OLA1: variants seen among roughly 807,000 people sequenced by gnomAD.
OLA1 encodes the protein Obg like ATPase 1.
Under a neutral mutation model 48.4 loss-of-function variants are expected in OLA1, and 14 were observed. The observed-to-expected ratio is 0.29, with a 90% CI of 0.19 to 0.45. The LOEUF is 0.45. Ranked by LOEUF, OLA1 falls within the 20% of genes least tolerant of loss-of-function variation. The pLI, the probability that OLA1 is intolerant of heterozygous loss-of-function variation, is 1.00. For missense variants in OLA1, 325 were observed against 467.1 expected (o/e 0.70, Z 2.80); for synonymous variants, 127 against 150.4 (o/e 0.84, Z 1.14).
intron 4 of OLA1, among the ~76,000 whole-genome samples, chr2:174,183,843 T>A (rs1687600052): frequency 6.6e-6 from 1 of 152,220 alleles, no homozygotes; most frequent in African/African-American, 2.4e-5. Context: ...ATATCTCTTC[T>A]CATTAATACT....
At chr2:174,179,433 C>T (rs192420423) in intron 4 of OLA1, among the ~76,000 whole-genome samples, 4 of 151,892 alleles carry the variant, frequency 2.6e-5, no homozygotes, top group Admixed American at 2.6e-4. Flanking sequence ...ATTTGTTAGA[C>T]TAAAGGCTTA....
intron 7 of OLA1, among the ~76,000 whole-genome samples, chr2:174,085,409 G>A (rs1288723930): frequency 3.3e-5 from 5 of 152,138 alleles, no homozygotes; most frequent in Non-Finnish European, 1.5e-5. Context: ...TGAATTGCAC[G>A]TGCAAGGGAT....
intron 4 of OLA1, among the ~76,000 whole-genome samples, chr2:174,202,474 C>T (rs760376870): frequency 1.6e-4 from 25 of 152,188 alleles, no homozygotes; most frequent in Non-Finnish European, 2.9e-4. Flanking sequence ...TGATCTCTTG[C>T]AGTTCTTGTG....
intron 2 of OLA1, among the ~76,000 whole-genome samples, chr2:174,230,331 A>G (rs907478332): frequency 6.6e-6 from 1 of 152,212 alleles, no homozygotes; most frequent in Non-Finnish European, 1.5e-5. Context: ...CTCTTTGAAG[A>G]CTGTTAAAGT....
At chr2:174,169,016 T>A (rs576398612) in intron 4 of OLA1, among the ~76,000 whole-genome samples, 1 of 152,052 alleles carries the variant, frequency 6.6e-6, no homozygotes, top group African/African-American at 2.4e-5. Flanking sequence ...TGGAGTGCAA[T>A]GGCGCAATCT....
At chr2:174,109,395 T>TA (rs899985220) in intron 7 of OLA1, among the ~76,000 whole-genome samples, 70 of 152,086 alleles carry the variant, frequency 4.6e-4, no homozygotes, top group African/African-American at 1.5e-3. Flanking sequence ...TAATAGATTT[T>TA]AAAAAAATAA....
At chr2:174,104,424 T>C (rs1685468250) in intron 7 of OLA1, among the ~76,000 whole-genome samples, 1 of 152,082 alleles carries the variant, frequency 6.6e-6, no homozygotes, top group Non-Finnish European at 1.5e-5. Context: ...AATATCAAAA[T>C]GATCATAAAA....
intron 4 of OLA1, among the ~76,000 whole-genome samples, chr2:174,174,438 T>C (rs1261450376): frequency 6.6e-6 from 1 of 151,960 alleles, no homozygotes; most frequent in Non-Finnish European, 1.5e-5. Context: ...ATCATTCCAA[T>C]AGATAAAAGA....
intron 4 of OLA1, among the ~76,000 whole-genome samples, chr2:174,143,674 TAGAG>T (rs1361477015): frequency 6.6e-6 from 1 of 152,098 alleles, no homozygotes; most frequent in Non-Finnish European, 1.5e-5. Context: ...AAGTGGATAA[TAGAG>T]AGAAACTTAG....
rs1684668056 is a variant in OLA1, at chr2:174,074,012, A to T, written c.*1414T>A. On this transcript the variant is annotated 3_prime_UTR_variant, in exon 11 of 11. Coordinates refer to ENST00000284719, the MANE Select transcript of OLA1 (RefSeq NM_013341.5). ...ATACTCACTGGAGAGCTTCTAAATT[A>T]TACTCACGACTCAACCTCATCCTCT... The T allele has an allele frequency of 6.6e-6, 1 of 152,232 alleles. No individual in the cohort carries two copies. The highest frequency in any genetic ancestry group is 1.5e-5 in the Non-Finnish European group (1 of 68,032). The allele number at this position is 152,232 out of a possible 1,614,324, so 9.4% of individuals were successfully genotyped here.
At position 174,193,952 on chromosome 2, in the gene OLA1, A is replaced by G. The variant is rs139411496; in HGVS notation, c.373+29081T>C. On this transcript the variant is annotated intron_variant, in intron 4 of 10. Transcript: ENST00000284719. Reference sequence around the variant, plus strand: ...TATCAGTTATCTAACCTCCTGCCCTAAACTACAGTTGTGGGCCCCGCATAT... The same window carrying G: ...TATCAGTTATCTAACCTCCTGCCCTGAACTACAGTTGTGGGCCCCGCATAT... Among the ~76,000 whole-genome samples the G allele has an allele frequency of 2.8e-4, 42 of 152,262 alleles. No homozygotes were observed. The East Asian group carries it at 6.8e-3, about 25-fold the overall frequency.
intron 4 of OLA1, among the ~76,000 whole-genome samples, chr2:174,181,486 A>G (rs1312927293): frequency 6.6e-6 from 1 of 152,184 alleles, no homozygotes; most frequent in Non-Finnish European, 1.5e-5. Flanking sequence ...GAAAATGTGA[A>G]ATACGTAAGA....
At chr2:174,135,860 T>A (rs1033418289) in intron 5 of OLA1, among the ~76,000 whole-genome samples, 1 of 152,200 alleles carries the variant, frequency 6.6e-6, no homozygotes, top group Non-Finnish European at 1.5e-5. Flanking sequence ...AAAGTGAGTA[T>A]CGCTATAAAG....
rs1688544021 is a variant in OLA1 at position 174,223,141 on chromosome 2, T to C, written c.265A>G (p.Asn89Asp). 6.2e-7 allele frequency: 1 copy of C among 1,613,896 alleles called. No homozygotes were observed. The highest frequency in any genetic ancestry group is 8.5e-7 in the Non-Finnish European group (1 of 1,179,860). Reference protein sequence around the residue: ...KPASKIPAFLNVVDIAGLVKG... With the variant: ...KPASKIPAFLDVVDIAGLVKG... ...ACAAGGCCAGCAATATCCACCACAT[T>C]TAGAAAGGCAGGAATTTTGCTGAAA... The change falls in exon 4 of 11, where the codon AAT (asparagine) becomes GAT (aspartate). Residue 89 changes from asparagine (N) to aspartate (D), a missense_variant. Transcript: ENST00000284719.
At chr2:174,234,047 C>T (rs1291649958) in intron 2 of OLA1, among the ~76,000 whole-genome samples, 2 of 151,736 alleles carry the variant, frequency 1.3e-5, no homozygotes, top group Non-Finnish European at 2.9e-5. Context: ...TGTGCCTGCC[C>T]CTCCTTCCTC....
intron 4 of OLA1, among the ~76,000 whole-genome samples, chr2:174,142,593 T>C (rs1444915178): frequency 6.6e-6 from 1 of 152,186 alleles, no homozygotes; most frequent in Non-Finnish European, 1.5e-5. Flanking sequence ...ATTCACACTA[T>C]CTGAACAAAA....
intron 9 of OLA1, 114 bp downstream of exon 9, chr2:174,081,038 C>A: frequency 2.5e-6 from 2 of 808,628 alleles, no homozygotes. Context: ...GGACAAAAAC[C>A]TCATCTGTAA....
intron 4 of OLA1, among the ~76,000 whole-genome samples, chr2:174,159,159 G>C (rs1686954791): frequency 1.3e-5 from 2 of 152,128 alleles, no homozygotes; most frequent in Non-Finnish European, 2.9e-5. Context: ...ACAAGAAATG[G>C]AAAGGGGCTA....
At chr2:174,107,645 T>G (rs1441270306) in intron 7 of OLA1, among the ~76,000 whole-genome samples, 1 of 152,142 alleles carries the variant, frequency 6.6e-6, no homozygotes, top group Non-Finnish European at 1.5e-5. Flanking sequence ...TGACCTCTCG[T>G]TCCCCTAAAA....
Sources: gnomAD v4.1 joint callset for allele counts (sites outside exome capture counted in the v4.1 genomes callset) on GRCh38, gnomAD v4.1.1 for gene constraint, MANE v1.5 for transcripts, NCBI Gene and HGNC (gene_info 2026-07-23, HGNC 2026-07-21) for gene names.